AFF1: variants seen among roughly 807,000 people sequenced by gnomAD.
The protein encoded by AFF1 is ALF transcription elongation factor 1.
A neutral mutation model predicts 121.7 loss-of-function variants in AFF1; 48 were observed. The ratio of observed to expected loss-of-function variants is 0.39; its 90% CI spans 0.31 to 0.50. The LOEUF is 0.50. AFF1 is among the 20% of genes least tolerant of loss of function. The pLI, the probability that AFF1 is intolerant of heterozygous loss-of-function variation, is 0.76. For missense variants in AFF1, 1,523 were observed against 1,511.7 expected, an observed-to-expected ratio of 1.01 and a Z score of -0.12; for synonymous variants, 613 against 563.0, an observed-to-expected ratio of 1.09 and a Z score of -1.26.
intron 2 of AFF1, among the ~76,000 whole-genome samples, chr4:86,985,662 G>A (rs1487531938): frequency 1.3e-5 from 2 of 151,926 alleles, no homozygotes; most frequent in Non-Finnish European, 2.9e-5. Context: ...TGCGAAAAGA[G>A]CAAAACTCCA....
intron 5 of AFF1, among the ~76,000 whole-genome samples, chr4:87,086,865 A>G (rs549937140): frequency 1.3e-5 from 2 of 152,348 alleles, no homozygotes; most frequent in East Asian, 3.9e-4. Context: ...CTAACAGAGA[A>G]AATCAATCAT....
chr4:87,091,021 C>CAAAAA (rs72486264), intron 6 of AFF1, among the ~76,000 whole-genome samples: 3 of 64,836 alleles, frequency 4.6e-5, no homozygotes, highest in Non-Finnish European at 5.8e-5. Flanking sequence ...TCTCTACCAC[C>CAAAAA]AAAAAAAAAA....
chr4:87,101,967 G>A (rs1725474498), intron 8 of AFF1, among the ~76,000 whole-genome samples: 1 of 152,218 alleles, frequency 6.6e-6, no homozygotes, highest in Admixed American at 6.5e-5. Flanking sequence ...AATAAATGGC[G>A]ACTTGTCTTT....
At chr4:87,039,748 C>T (rs564015845) in intron 2 of AFF1, among the ~76,000 whole-genome samples, 2 of 152,286 alleles carry the variant, frequency 1.3e-5, no homozygotes, top group South Asian at 4.1e-4. Context: ...AAGAACTTGG[C>T]TACTGAAAGG....
At chr4:87,027,976 T>A (rs1384971723) in intron 2 of AFF1, among the ~76,000 whole-genome samples, 2 of 151,936 alleles carry the variant, frequency 1.3e-5, no homozygotes, top group African/African-American at 2.4e-5. Flanking sequence ...TCTGAAACTT[T>A]TTGAGTGATG....
At chr4:87,030,559 TC>T (rs1355180131) in intron 2 of AFF1, among the ~76,000 whole-genome samples, 1 of 152,154 alleles carries the variant, frequency 6.6e-6, no homozygotes, top group Non-Finnish European at 1.5e-5. Context: ...TACTTACAAG[TC>T]TGAAACACTG....
At chr4:87,081,073 C>T (rs1331606503) in intron 4 of AFF1, among the ~76,000 whole-genome samples, 2 of 150,806 alleles carry the variant, frequency 1.3e-5, no homozygotes. Flanking sequence ...ATGTAAAATG[C>T]TAACATTTGG....
chr4:86,998,098 CAAAAAAA>C (rs56741955), intron 2 of AFF1, among the ~76,000 whole-genome samples: 14 of 91,754 alleles, frequency 1.5e-4, no homozygotes, highest in East Asian at 6.6e-4. Flanking sequence ...AACTCCGTCT[CAAAAAAA>C]AAAAAAAAAA....
chr4:87,047,742 C>T, intron 4 of AFF1, 148 bp downstream of exon 4: 2 of 1,051,440 alleles, frequency 1.9e-6, no homozygotes, highest in Non-Finnish European at 3.0e-6. Context: ...TTGTTAATAA[C>T]CCGCGAAAAA....
chr4:87,098,910 C>T lies in AFF1; in HGVS notation c.1283+3941C>T, dbSNP rs527526483. Among the ~76,000 whole-genome samples the T allele has an allele frequency of 3.3e-5, 5 of 152,154 alleles. No individual in the cohort carries two copies. The East Asian group carries it at 5.8e-4, about 18-fold the overall frequency. On this transcript the variant is annotated intron_variant, in intron 8 of 20. Transcript: ENST00000395146. ...AGTCTGATACCTTTTCAAATGAGCCCGAGTTTTCAACTTTTACTCAAAACA... is the reference window on the plus strand; with the variant it reads ...AGTCTGATACCTTTTCAAATGAGCCTGAGTTTTCAACTTTTACTCAAAACA...
chr4:87,113,609 G>C (rs976301797), intron 11 of AFF1, among the ~76,000 whole-genome samples: 1 of 152,126 alleles, frequency 6.6e-6, no homozygotes, highest in Admixed American at 6.5e-5. Context: ...ATTAATGCTT[G>C]GCTAATGTGA....
At chr4:87,125,610 A>G (rs1401351121) in intron 13 of AFF1, among the ~76,000 whole-genome samples, 1 of 152,218 alleles carries the variant, frequency 6.6e-6, no homozygotes, top group Non-Finnish European at 1.5e-5. Flanking sequence ...TGTTGGGAAG[A>G]GGGGTGGCAG....
At chr4:86,977,720 A>G (rs571235445) in intron 2 of AFF1, among the ~76,000 whole-genome samples, 2 of 152,314 alleles carry the variant, frequency 1.3e-5, no homozygotes, top group East Asian at 1.9e-4. Context: ...TCATCTTTAC[A>G]TCCCATTGCC....
chr4:86,959,364 T>A (rs1721978975), intron 2 of AFF1, among the ~76,000 whole-genome samples: 1 of 152,206 alleles, frequency 6.6e-6, no homozygotes, highest in Admixed American at 6.5e-5. Context: ...ATTTTAAAAG[T>A]TTACATTAAA....
chr4:86,985,212 T>A (rs1202480210), intron 2 of AFF1, among the ~76,000 whole-genome samples: 12 of 99,058 alleles, frequency 1.2e-4, no homozygotes, highest in Non-Finnish European at 2.8e-4. Flanking sequence ...TATATATATA[T>A]ATAAAATTAT....
At chr4:87,017,104 T>G (rs1352042996) in intron 2 of AFF1, among the ~76,000 whole-genome samples, 5,929 of 28,268 alleles carry the variant, frequency 0.21, 347 homozygotes, top group African/African-American at 0.29. Context: ...TATATGTGTT[T>G]TTTTTTTTTT....
rs575420862 is a variant in AFF1, at chr4:87,037,048, C to CGA, written c.39-9118_39-9117insGA. Among the ~76,000 whole-genome samples the CGA allele has an allele frequency of 1.0e-3, 155 of 152,236 alleles. 1 individual carries two copies. The highest frequency in any genetic ancestry group is 3.6e-3 in the African/African-American group (150 of 41,550). On this transcript the variant is annotated intron_variant, in intron 2 of 20. Coordinates refer to ENST00000395146, the MANE Select transcript of AFF1 (RefSeq NM_001166693.3). The stretch of plus-strand genomic sequence containing the variant: ...GGATCTAAAATTACTTGCTAACAGT[C>CGA]TAAGACTGAGTTCAGAACCCAAAAT...
chr4:87,111,161 C>T (rs1726485268), intron 11 of AFF1, among the ~76,000 whole-genome samples: 1 of 83,668 alleles, frequency 1.2e-5, no homozygotes, highest in East Asian at 3.4e-4. Context: ...GCGCCCGCTA[C>T]CACGCCCGGC....
intron 2 of AFF1, among the ~76,000 whole-genome samples, chr4:87,023,331 T>TA (rs1336501935): frequency 1.3e-5 from 2 of 152,234 alleles, no homozygotes; most frequent in Admixed American, 6.5e-5. Flanking sequence ...GGATTTGTGG[T>TA]AACTGCCTTT....
Sources: allele counts gnomAD v4.1 joint callset (sites outside exome capture counted in the v4.1 genomes callset), GRCh38; gene constraint gnomAD v4.1.1; transcripts MANE v1.5; gene names NCBI Gene and HGNC (gene_info 2026-07-23, HGNC 2026-07-21).